CNPY3: variants seen among roughly 807,000 people sequenced by gnomAD.
The protein encoded by CNPY3 is protein canopy homolog 3.
A neutral mutation model predicts 32.0 loss-of-function variants in CNPY3; 20 were observed. That is an observed-to-expected ratio of 0.63 (90% CI 0.44 to 0.91). The LOEUF (loss-of-function observed/expected upper bound fraction) is 0.91. Ranked by LOEUF, CNPY3 falls within the 40% of genes least tolerant of loss-of-function variation. The probability of loss-of-function intolerance (pLI) is 0.00; values close to 1 mark genes in which losing one functional copy is unlikely to be tolerated. For missense variants in CNPY3, 299 were observed against 340.8 expected, an observed-to-expected ratio of 0.88 and a Z score of 0.97; for synonymous variants, 138 against 142.9, an observed-to-expected ratio of 0.97 and a Z score of 0.24.
At chr6:42,931,594 C>T (rs780679385) in intron 1 of CNPY3, among the ~76,000 whole-genome samples, 3 of 152,008 alleles carry the variant, frequency 2.0e-5, no homozygotes, top group Non-Finnish European at 4.4e-5. Flanking sequence ...CTCCTGAACT[C>T]GGGTGATCCA....
intron 2 of CNPY3, among the ~76,000 whole-genome samples, chr6:42,935,106 G>A (rs1768122031): frequency 6.6e-6 from 1 of 152,134 alleles, no homozygotes; most frequent in Admixed American, 6.6e-5. Context: ...GACCTGAGAT[G>A]ATCCGCCTGC....
intron 1 of CNPY3, among the ~76,000 whole-genome samples, chr6:42,934,055 G>C (rs1173020995): frequency 6.6e-6 from 1 of 151,978 alleles, no homozygotes; most frequent in African/African-American, 2.4e-5. Context: ...TGTAATCCCA[G>C]CTACTTGGGA....
chr6:42,938,042 C>T (rs765781390), intron 4 of CNPY3, 48 bp from the exon 5 acceptor site: 47 of 1,550,302 alleles, frequency 3.0e-5, no homozygotes, highest in Middle Eastern at 1.7e-4. Flanking sequence ...CCTCTAGGAG[C>T]GAGTCAGGTG....
chr6:42,936,599 G>C (rs1301729432), intron 3 of CNPY3, among the ~76,000 whole-genome samples: 1 of 152,138 alleles, frequency 6.6e-6, no homozygotes, highest in Non-Finnish European at 1.5e-5. Context: ...GCAGTGGTGC[G>C]ATCTCAGTTC....
chr6:42,933,179 G>T (rs1767956504), intron 1 of CNPY3, among the ~76,000 whole-genome samples: 1 of 151,974 alleles, frequency 6.6e-6, no homozygotes, highest in South Asian at 2.1e-4. Flanking sequence ...GGCTTATAAT[G>T]CGAGGTGGGC....
upstream of CNPY3, chr6:42,929,103 G>C (rs868326194): frequency 6.3e-6 from 1 of 157,740 alleles, no homozygotes; most frequent in Admixed American, 6.4e-5. Flanking sequence ...CCCCAGGAGG[G>C]AAGTGACGTT....
chr6:42,938,426 C>T (rs767613197), intron 5 of CNPY3, 142 bp from the exon 6 acceptor site: 249 of 886,172 alleles, frequency 2.8e-4, no homozygotes, highest in Non-Finnish European at 4.1e-4. Context: ...GCCTGGTGGC[C>T]ACAGCGAGAG....
intron 1 of CNPY3, among the ~76,000 whole-genome samples, chr6:42,930,362 A>G (rs1767703503): frequency 6.6e-6 from 1 of 152,198 alleles, no homozygotes; most frequent in Non-Finnish European, 1.5e-5. Context: ...GTAGGCACTC[A>G]ATAAATGTTT....
chr6:42,930,945 A>G (rs1767753478), intron 1 of CNPY3, among the ~76,000 whole-genome samples: 1 of 151,312 alleles, frequency 6.6e-6, no homozygotes, highest in Non-Finnish European at 1.5e-5. Flanking sequence ...GCTGGAGTGC[A>G]GTGGCGAGAT....
intron 1 of CNPY3, among the ~76,000 whole-genome samples, chr6:42,934,242 A>G (rs563144208): frequency 6.6e-6 from 1 of 152,350 alleles, no homozygotes; most frequent in African/African-American, 2.4e-5. Context: ...TAGATAAAAT[A>G]GAAATCCTAG....
intron 3 of CNPY3, among the ~76,000 whole-genome samples, chr6:42,937,267 G>C (rs1768299200): frequency 6.6e-6 from 1 of 152,146 alleles, no homozygotes; most frequent in Non-Finnish European, 1.5e-5. Flanking sequence ...ATATGTGCAG[G>C]GGTTGTGGGA....
chr6:42,937,941 G>A (rs573370060), intron 4 of CNPY3, 102 bp downstream of exon 4: 55 of 1,535,928 alleles, frequency 3.6e-5, no homozygotes, highest in East Asian at 2.3e-5. Context: ...GGTGGCTTTG[G>A]TCAGGTCATT....
In CNPY3 at chr6:42,939,207, C is replaced by T. The variant is rs569905372; in HGVS notation, c.*416C>T. On this transcript the variant is annotated 3_prime_UTR_variant, in exon 6 of 6. Coordinates refer to ENST00000372836, the MANE Select transcript of CNPY3 (RefSeq NM_006586.5). ...CTCTGCTTACCCCTCCTGTGGACAC[C>T]TTGCACTCTGCCTGGCCCTTCCCAG... 29 of 1,002,222 alleles carry T rather than the reference C, an allele frequency of 2.9e-5. 1 individual carries two copies. In the African/African-American group the frequency reaches 2.9e-4, roughly 10 times the overall value. The allele number at this position is 1,002,222 out of a possible 1,614,324, so 62.1% of individuals were successfully genotyped here. A position where few individuals can be genotyped will look rare whatever the true frequency, so the allele number is the denominator to read the frequency against.
At chr6:42,930,217 C>T (rs1280850114) in intron 1 of CNPY3, among the ~76,000 whole-genome samples, 4 of 152,108 alleles carry the variant, frequency 2.6e-5, no homozygotes, top group Non-Finnish European at 4.4e-5. Context: ...GATGACTCAT[C>T]TTGGGGGAAA....
rs763436513 is a variant in CNPY3, at chr6:42,934,561, C to T, written c.238C>T (p.Leu80=). 1 of 1,614,144 alleles carries T rather than the reference C, an allele frequency of 6.2e-7. No homozygotes were observed. The highest frequency in any genetic ancestry group is 1.1e-5 in the South Asian group (1 of 91,074). The change falls in exon 2 of 6, where the codon CTG becomes TTG. Residue 80 remains leucine (L), a synonymous_variant. Transcript: ENST00000372836. ...KEVIGTGYGI[L]DQKASGVKYT... is the part of the protein sequence containing the mutation. ...GGTGATTGGCACGGGCTATGGCATCCTGGACCAGAAGGCCTCTGGAGTCAA... is the reference window on the plus strand; with the variant it reads ...GGTGATTGGCACGGGCTATGGCATCTTGGACCAGAAGGCCTCTGGAGTCAA...
intron 1 of CNPY3, among the ~76,000 whole-genome samples, chr6:42,933,372 A>T (rs987856418): frequency 1.3e-5 from 2 of 152,214 alleles, no homozygotes; most frequent in African/African-American, 2.4e-5. Flanking sequence ...CTGTATCCCC[A>T]GGCTGACACG....
chr6:42,935,506 G>A (rs942835410), intron 2 of CNPY3, 68 bp from the exon 3 acceptor site: 2 of 1,560,738 alleles, frequency 1.3e-6, no homozygotes, highest in Non-Finnish European at 1.8e-6. Context: ...CACAGGGCTG[G>A]AGGGACAGAC....
At chr6:42,929,395 T>C, upstream of CNPY3, 1 of 684,892 alleles carries the variant, frequency 1.5e-6, no homozygotes, top group South Asian at 2.0e-5. Context: ...CCGCGGGCCT[T>C]GGTCCGCTTT....
intron 1 of CNPY3, among the ~76,000 whole-genome samples, chr6:42,930,878 A>T (rs61232874): frequency 0.16 from 23,848 of 151,396 alleles, 4,486 homozygotes; most frequent in African/African-American, 0.46. Context: ...TCCCCCGTAC[A>T]TTCTTTTCTT....
Sources: gnomAD v4.1 joint callset for allele counts (sites outside exome capture counted in the v4.1 genomes callset) on GRCh38, gnomAD v4.1.1 for gene constraint, MANE v1.5 for transcripts, NCBI Gene and HGNC (gene_info 2026-07-23, HGNC 2026-07-21) for gene names.